The following SLIT2 variants were observed in gnomAD, a reference collection of about 807,000 sequenced individuals.
SLIT2 encodes the protein slit guidance ligand 2.
In SLIT2, 41 loss-of-function variants were observed where a neutral mutation model predicts 185.7. That is an observed-to-expected ratio of 0.22 (90% confidence interval 0.17 to 0.29). SLIT2 has a LOEUF of 0.29. Among genes scored for constraint, SLIT2 ranks in the 10% least tolerant of loss-of-function variants. The pLI is 1.00. For missense variants in SLIT2, 1,571 were observed against 1,909.0 expected (o/e 0.82, Z 3.30); for synonymous variants, 693 against 680.2 (o/e 1.02, Z -0.29).
chr4:20,565,015 A>G (rs1344688622), intron 26 of SLIT2, among the ~76,000 whole-genome samples: 1 of 151,984 alleles, frequency 6.6e-6, no homozygotes, highest in Admixed American at 6.6e-5. Flanking sequence ...CAGCCAGGCA[A>G]TGATGCTGCC....
In SLIT2 at chr4:20,491,682, T is replaced by C. The variant is rs1025431752; in HGVS notation, c.776-79T>C. 4 of 1,204,698 alleles carry C rather than the reference T, an allele frequency of 3.3e-6. No individual in the cohort carries two copies. In the African/African-American group the frequency reaches 4.6e-5, roughly 14 times the overall value. 74.6% of individuals were successfully genotyped at this position (1,204,698 alleles called of 1,614,324 possible). ...AGATTTATTTATGTGAAATGCTTTGTTACTTGAGCTAAGTTTGTCTGTTTC... is the reference window on the plus strand; with the variant it reads ...AGATTTATTTATGTGAAATGCTTTGCTACTTGAGCTAAGTTTGTCTGTTTC... On this transcript the variant is annotated intron_variant, in intron 8 of 36. Transcript: ENST00000504154.
At chr4:20,394,246 G>T (rs1353347928) in intron 4 of SLIT2, among the ~76,000 whole-genome samples, 1 of 151,892 alleles carries the variant, frequency 6.6e-6, no homozygotes, top group Admixed American at 6.6e-5. Flanking sequence ...CTAAGGAAAG[G>T]AAAATAAAGC....
chr4:20,467,385 T>C (rs1254359205), intron 4 of SLIT2, among the ~76,000 whole-genome samples: 1 of 152,066 alleles, frequency 6.6e-6, no homozygotes, highest in Non-Finnish European at 1.5e-5. Flanking sequence ...GTTGGAGAAA[T>C]ATAAACTACT....
rs186622052 is a variant in SLIT2 at position 20,613,510 on chromosome 4, C to T, written c.3847+3343C>T. 1.6e-3 allele frequency among the ~76,000 whole-genome samples: 240 copies of T among 151,930 alleles called. 2 individuals carry two copies. The highest frequency in any genetic ancestry group is 5.5e-3 in the African/African-American group (228 of 41,444). On this transcript the variant is annotated intron_variant, in intron 34 of 36. Coordinates refer to ENST00000504154, the MANE Select transcript of SLIT2 (RefSeq NM_004787.4). ...ACACACACTGGGGCCTAGCAGAGGG[C>T]GGAGGGTGGGAGGAGGGAGAGGACC...
chr4:20,302,607 T>A (rs1193555424), intron 4 of SLIT2, among the ~76,000 whole-genome samples: 1 of 151,930 alleles, frequency 6.6e-6, no homozygotes, highest in Non-Finnish European at 1.5e-5. Flanking sequence ...AGATGGCACT[T>A]GAGGTGTGTC....
intron 4 of SLIT2, among the ~76,000 whole-genome samples, chr4:20,357,016 AACAAAT>A (rs746148037): frequency 6.6e-6 from 1 of 152,256 alleles, no homozygotes; most frequent in Non-Finnish European, 1.5e-5. Context: ...TACAAGTTAA[AACAAAT>A]ACAATTTTTC....
intron 4 of SLIT2, among the ~76,000 whole-genome samples, chr4:20,307,806 A>C (rs1046530514): frequency 6.6e-6 from 1 of 152,134 alleles, no homozygotes; most frequent in East Asian, 1.9e-4. Flanking sequence ...AAGGACATGA[A>C]TCTCACAGGC....
rs143542272 is a variant in SLIT2 at position 20,333,291 on chromosome 4, T to G, written c.395+64410T>G. 5.7e-3 allele frequency among the ~76,000 whole-genome samples: 874 copies of G among 152,316 alleles called. 9 individuals carry two copies. Among genetic ancestry groups the G allele is most frequent in the African/African-American group, 0.02 (842 of 41,580 alleles). ...AGAACTTGGATCTGTGCTAACTTTCTCGTCATCAACACACTGTATTTTTAA... is the reference window on the plus strand; with the variant it reads ...AGAACTTGGATCTGTGCTAACTTTCGCGTCATCAACACACTGTATTTTTAA... On this transcript the variant is annotated intron_variant, in intron 4 of 36. Transcript: ENST00000504154.
intron 30 of SLIT2, among the ~76,000 whole-genome samples, chr4:20,593,687 G>T (rs1342342664): frequency 6.6e-6 from 1 of 152,090 alleles, no homozygotes; most frequent in Non-Finnish European, 1.5e-5. Flanking sequence ...TAGCTTGACT[G>T]TGGTAATTAT....
intron 4 of SLIT2, among the ~76,000 whole-genome samples, chr4:20,423,692 T>C (rs1263247254): frequency 6.6e-6 from 1 of 152,066 alleles, no homozygotes; most frequent in Non-Finnish European, 1.5e-5. Flanking sequence ...CAGTAAACAT[T>C]TGTATACCGA....
At chr4:20,280,084 A>G (rs1371691654) in intron 4 of SLIT2, among the ~76,000 whole-genome samples, 2 of 152,162 alleles carry the variant, frequency 1.3e-5, no homozygotes, top group African/African-American at 4.8e-5. Context: ...CTGTAATCCC[A>G]GCACTTTGGG....
In SLIT2 at chr4:20,469,573, G is replaced by C. The variant is rs1001627172; in HGVS notation, c.467+1750G>C. Among the ~76,000 whole-genome samples the C allele has an allele frequency of 2.1e-4, 32 of 151,884 alleles. 1 individual carries two copies. Among genetic ancestry groups the C allele is most frequent in the Non-Finnish European group, 1.0e-4 (7 of 67,982 alleles). ...TTTTCAAATCTTTTCTCCCCCACAG[G>C]CATAATTTTTTCTCAGAATTTAAAG... On this transcript the variant is annotated intron_variant, in intron 5 of 36. Coordinates refer to ENST00000504154, the MANE Select transcript of SLIT2 (RefSeq NM_004787.4).
intron 4 of SLIT2, among the ~76,000 whole-genome samples, chr4:20,453,872 G>C (rs948129762): frequency 1.3e-5 from 2 of 152,188 alleles, no homozygotes; most frequent in Non-Finnish European, 2.9e-5. Flanking sequence ...CACATGAAGA[G>C]GTATAGGTAC....
At chr4:20,486,509 A>T (rs1717256050) in intron 7 of SLIT2, among the ~76,000 whole-genome samples, 1 of 152,120 alleles carries the variant, frequency 6.6e-6, no homozygotes, top group African/African-American at 2.4e-5. Flanking sequence ...AACAACATTT[A>T]CTTTGAGCTA....
At chr4:20,263,919 G>T (rs1480551531) in intron 3 of SLIT2, among the ~76,000 whole-genome samples, 1 of 151,610 alleles carries the variant, frequency 6.6e-6, no homozygotes, top group Non-Finnish European at 1.5e-5. Context: ...GACTTTTTAC[G>T]ACCATATTTA....
At chr4:20,282,152 A>G (rs2109058614) in intron 4 of SLIT2, among the ~76,000 whole-genome samples, 1 of 152,342 alleles carries the variant, frequency 6.6e-6, no homozygotes, top group Non-Finnish European at 1.5e-5. Flanking sequence ...ATTCAGATGG[A>G]CAAATGTTAT....
chr4:20,367,345 TG>T (rs766226754), intron 4 of SLIT2, among the ~76,000 whole-genome samples: 7 of 152,116 alleles, frequency 4.6e-5, no homozygotes. Flanking sequence ...AACTAACAAA[TG>T]GGATACATAG....
chr4:20,426,244 G>T (rs1434858747), intron 4 of SLIT2, among the ~76,000 whole-genome samples: 1 of 152,202 alleles, frequency 6.6e-6, no homozygotes, highest in Non-Finnish European at 1.5e-5. Flanking sequence ...CACCAGGACT[G>T]CTGGCAGATG....
rs1226824605 is a variant in SLIT2, at chr4:20,619,689, AGATTATT to A, written c.*684_*690del. ...ATAAAGGAGATGATAAAGAACCAAT[AGATTATT>A]GATAAATAAATTAGTAATAATATGA... On this transcript the variant is annotated 3_prime_UTR_variant, in exon 37 of 37. Transcript: ENST00000504154. 5 of 152,254 alleles carry A rather than the reference AGATTATT, an allele frequency of 3.3e-5. No homozygotes were observed. The highest frequency in any genetic ancestry group is 2.1e-4 in the South Asian group (1 of 4,814). 9.4% of individuals were successfully genotyped at this position (152,254 alleles called of 1,614,324 possible).
Sources: gnomAD v4.1 joint callset for allele counts (sites outside exome capture counted in the v4.1 genomes callset) on GRCh38, gnomAD v4.1.1 for gene constraint, MANE v1.5 for transcripts, NCBI Gene and HGNC (gene_info 2026-07-23, HGNC 2026-07-21) for gene names.